The following FRY variants were observed in gnomAD, a reference collection of about 807,000 sequenced individuals.
FRY encodes FRY microtubule binding protein.
In FRY, 128 loss-of-function variants were observed where a neutral mutation model predicts 348.4. That is an observed-to-expected ratio of 0.37 (90% CI 0.32 to 0.43). FRY has a LOEUF of 0.43. Ranked by LOEUF, FRY falls within the 20% of genes least tolerant of loss-of-function variation. The pLI is 1.00. For missense variants in FRY, 2,736 were observed against 3,695.2 expected, an observed-to-expected ratio of 0.74 and a Z score of 6.73; for synonymous variants, 1,370 against 1,374.7, an observed-to-expected ratio of 1.00 and a Z score of 0.08.
rs530796999 is a variant in FRY at position 32,171,970 on chromosome 13, G to C, written c.2151+700G>C. Among the ~76,000 whole-genome samples the C allele has an allele frequency of 3.3e-5, 5 of 152,350 alleles. No homozygotes were observed. In the South Asian group the frequency reaches 1.0e-3, roughly 32 times the overall value. On this transcript the variant is annotated intron_variant, in intron 18 of 60. Coordinates refer to ENST00000542859, the MANE Select transcript of FRY (RefSeq NM_023037.3). ...TGGATGTGGATATGGGTGTGGATGT[G>C]GATGTAGATAGGATGTGGATGTGGA...
At chr13:32,212,161 G>T in intron 34 of FRY, 131 bp from the exon 35 acceptor site, 2 of 669,664 alleles carry the variant, frequency 3.0e-6, no homozygotes, top group Non-Finnish European at 5.4e-6. Flanking sequence ...CTGAGATTGT[G>T]CAGAAGATGT....
At chr13:32,061,299 T>C in intron 1 of FRY, 2 of 420,718 alleles carry the variant, frequency 4.8e-6, no homozygotes, top group Non-Finnish European at 9.9e-6. Flanking sequence ...GATTTACTTA[T>C]AATGCCATTG....
At chr13:32,212,869 A>G (rs1884763045) in intron 35 of FRY, among the ~76,000 whole-genome samples, 1 of 152,082 alleles carries the variant, frequency 6.6e-6, no homozygotes, top group Non-Finnish European at 1.5e-5. Context: ...TTCCCTCCAC[A>G]TTAGCTCTTT....
rs558717625 is a variant in FRY at position 32,151,255 on chromosome 13, C to T, written c.1479+1421C>T. On this transcript the variant is annotated intron_variant, in intron 14 of 60. Coordinates refer to ENST00000542859, the MANE Select transcript of FRY (RefSeq NM_023037.3). ...TCTCAAACTCCTCATTCAGTCAGTGCGTAATTAGTTAACCTCTCTGTGTAG... is the reference window on the plus strand; with the variant it reads ...TCTCAAACTCCTCATTCAGTCAGTGTGTAATTAGTTAACCTCTCTGTGTAG... Among the ~76,000 whole-genome samples the T allele has an allele frequency of 5.3e-5, 8 of 152,188 alleles. No homozygotes were observed. In the South Asian group the frequency reaches 6.2e-4, roughly 12 times the overall value.
chr13:32,246,544 A>G (rs1286939160), intron 47 of FRY, among the ~76,000 whole-genome samples: 1 of 152,238 alleles, frequency 6.6e-6, no homozygotes, highest in East Asian at 1.9e-4. Context: ...TGACCCTTGC[A>G]GGCCATGCTC....
At chr13:32,037,424 A>C (rs916109456) in intron 1 of FRY, among the ~76,000 whole-genome samples, 3 of 152,140 alleles carry the variant, frequency 2.0e-5, no homozygotes, top group African/African-American at 7.2e-5. Flanking sequence ...GATCAGGGAG[A>C]ATATTTCCAG....
chr13:32,112,392 G>A (rs931889980), intron 3 of FRY, among the ~76,000 whole-genome samples: 1 of 152,070 alleles, frequency 6.6e-6, no homozygotes, highest in Non-Finnish European at 1.5e-5. Flanking sequence ...CCATTTTACA[G>A]CTGAGAACAC....
At chr13:32,161,497 G>A (rs1426012710) in intron 17 of FRY, among the ~76,000 whole-genome samples, 1 of 152,148 alleles carries the variant, frequency 6.6e-6, no homozygotes, top group Non-Finnish European at 1.5e-5. Context: ...GCAAACTAAT[G>A]GCACAAAAAT....
chr13:32,231,199 G>T lies in FRY; in HGVS notation c.5426G>T (p.Cys1809Phe), dbSNP rs913293623. ...LTTRAFGPLWCHEDITPKNQN... is the reference protein window; with the variant it reads ...LTTRAFGPLWFHEDITPKNQN... ...TTAAGGGCATTTGGTCCACTTTGGT[G>T]CCATGAAGACATCACACCTAAAAAT... Residue 1809 changes from cysteine to phenylalanine, a missense_variant, in exon 41 of 61, where the codon TGC becomes TTC. Physicochemically the swap from Cys to Phe is radical, Grantham distance 205. This residue lies in a region of FRY where 794 missense variants were observed against 977.0 expected (regional missense o/e 0.81). Coordinates refer to ENST00000542859, the MANE Select transcript of FRY (RefSeq NM_023037.3). The T allele has an allele frequency of 6.2e-7, 1 of 1,613,228 alleles. No individual in the cohort carries two copies. Among genetic ancestry groups the T allele is most frequent in the African/African-American group, 1.3e-5 (1 of 74,904 alleles).
chr13:32,087,629 A>C (rs1416433403), intron 2 of FRY, among the ~76,000 whole-genome samples: 1 of 152,192 alleles, frequency 6.6e-6, no homozygotes, highest in East Asian at 1.9e-4. Context: ...TAAGAGACTG[A>C]ATTTAGGATA....
Position 32,244,527 on chromosome 13 carries a change from G to A in FRY, c.6828+345G>A, listed in dbSNP as rs578014267. Reference sequence around the variant, plus strand: ...AGAGAAGGAGAGGGGACAAGGAACTGTAGGAACTTTCACATGTGCCGGGTT... The same window carrying A: ...AGAGAAGGAGAGGGGACAAGGAACTATAGGAACTTTCACATGTGCCGGGTT... On this transcript the variant is annotated intron_variant, in intron 47 of 60. Transcript: ENST00000542859. 2.6e-5 allele frequency among the ~76,000 whole-genome samples: 4 copies of A among 152,334 alleles called. No homozygotes were observed. In the East Asian group the frequency reaches 7.7e-4, roughly 29 times the overall value.
At chr13:32,113,550 C>T (rs1391235226) in intron 3 of FRY, among the ~76,000 whole-genome samples, 4 of 152,206 alleles carry the variant, frequency 2.6e-5, no homozygotes, top group African/African-American at 9.6e-5. Context: ...ATGAAATAGT[C>T]CTGTGATTCT....
rs1384165793 is a variant in FRY, at chr13:32,297,615, A to G, written c.*2155A>G. On this transcript the variant is annotated 3_prime_UTR_variant, in exon 61 of 61. Transcript: ENST00000542859. Reference sequence around the variant, plus strand: ...TTTAAAAGGAGATGTATTAATGTGAAAGGTTTCTTCTACTTTTCCTCTATC... The same window carrying G: ...TTTAAAAGGAGATGTATTAATGTGAGAGGTTTCTTCTACTTTTCCTCTATC... The G allele has an allele frequency of 6.6e-6, 1 of 152,200 alleles. No homozygotes were observed. Among genetic ancestry groups the G allele is most frequent in the African/African-American group, 2.4e-5 (1 of 41,436 alleles). 9.4% of individuals were successfully genotyped at this position (152,200 alleles called of 1,614,324 possible). A position where few individuals can be genotyped will look rare whatever the true frequency, so the allele number is the denominator to read the frequency against.
chr13:32,268,263 G>A (rs1888017325), intron 55 of FRY, among the ~76,000 whole-genome samples: 1 of 151,984 alleles, frequency 6.6e-6, no homozygotes, highest in African/African-American at 2.4e-5. Context: ...GGGGGAGGAG[G>A]TGGCAAAAGA....
chr13:32,283,486 G>A (rs978309648), intron 58 of FRY, among the ~76,000 whole-genome samples: 2 of 152,154 alleles, frequency 1.3e-5, no homozygotes, highest in Non-Finnish European at 2.9e-5. Flanking sequence ...AAAGAAAACG[G>A]GAAAGAGTAT....
rs150328059 is a variant in FRY, at chr13:32,084,329, T to C, written c.270+5296T>C. ...CCATTACATTTCTTGCACAAAACTT[T>C]CATTTCATTCTTTTTCACTCCTTGA... On this transcript the variant is annotated intron_variant, in intron 2 of 60. Coordinates refer to ENST00000542859, the MANE Select transcript of FRY (RefSeq NM_023037.3). Among the ~76,000 whole-genome samples the C allele has an allele frequency of 1.2e-4, 19 of 152,302 alleles. No homozygotes were observed. In the East Asian group the frequency reaches 3.7e-3, roughly 29 times the overall value.
intron 11 of FRY, among the ~76,000 whole-genome samples, chr13:32,146,181 A>C (rs1456814380): frequency 1.4e-5 from 2 of 146,950 alleles, no homozygotes; most frequent in Non-Finnish European, 1.5e-5. Context: ...CCCTCCCACC[A>C]TTTTTTTTTT....
chr13:32,193,700 C>T (rs1883495220), intron 28 of FRY, among the ~76,000 whole-genome samples: 1 of 150,258 alleles, frequency 6.7e-6, no homozygotes, highest in South Asian at 2.1e-4. Flanking sequence ...ATTCTCCTAC[C>T]TCAGCCTCCT....
At chr13:32,174,132 T>G (rs906493776) in intron 19 of FRY, among the ~76,000 whole-genome samples, 3 of 152,228 alleles carry the variant, frequency 2.0e-5, no homozygotes, top group Non-Finnish European at 4.4e-5. Flanking sequence ...CTGGCATGGG[T>G]GGCCAAACCA....
Sources: allele counts gnomAD v4.1 joint callset (sites outside exome capture counted in the v4.1 genomes callset), GRCh38; gene constraint gnomAD v4.1.1; regional missense constraint gnomAD v4.1.1; transcripts MANE v1.5; gene names NCBI Gene and HGNC (gene_info 2026-07-23, HGNC 2026-07-21).